The following SETBP1 variants were observed in gnomAD, a reference collection of about 807,000 sequenced individuals.
SETBP1 encodes SET binding protein 1.
SETBP1 carries 9 observed loss-of-function variants against 101.0 expected under a neutral mutation model. The ratio of observed to expected loss-of-function variants is 0.09; its 90% CI spans 0.05 to 0.16. The LOEUF is 0.16. SETBP1 is among the 10% of genes least tolerant of loss of function. SETBP1 has a pLI of 1.00. For missense variants in SETBP1, 1,858 were observed against 2,033.8 expected (o/e 0.91, Z 1.66); for synonymous variants, 818 against 788.5 (o/e 1.04, Z -0.63).
At chr18:44,816,065 A>G (rs2071968326) in intron 2 of SETBP1, among the ~76,000 whole-genome samples, 1 of 152,214 alleles carries the variant, frequency 6.6e-6, no homozygotes, top group Non-Finnish European at 1.5e-5. Context: ...AGACCCTGGG[A>G]ACCAGGGACA....
intron 5 of SETBP1, among the ~76,000 whole-genome samples, chr18:45,040,358 G>A (rs1353826402): frequency 6.6e-6 from 1 of 152,178 alleles, no homozygotes; most frequent in Non-Finnish European, 1.5e-5. Context: ...TCCAAACAAA[G>A]GGATCAAGTT....
chr18:44,977,951 C>T (rs982280184), intron 4 of SETBP1, among the ~76,000 whole-genome samples: 7 of 152,246 alleles, frequency 4.6e-5, no homozygotes, highest in African/African-American at 7.2e-5. Flanking sequence ...GAAAGTTCAG[C>T]GGCATGGTGC....
At chr18:44,990,101 T>C (rs990738160) in intron 4 of SETBP1, among the ~76,000 whole-genome samples, 4 of 151,784 alleles carry the variant, frequency 2.6e-5, no homozygotes, top group Non-Finnish European at 4.4e-5. Context: ...CAGAGCAATA[T>C]CATCTTTCAA....
At chr18:44,736,551 A>G (rs777298455) in intron 2 of SETBP1, among the ~76,000 whole-genome samples, 3 of 152,208 alleles carry the variant, frequency 2.0e-5, no homozygotes, top group Non-Finnish European at 4.4e-5. Flanking sequence ...CCACTGTGAT[A>G]TTTCTCTTTT....
intron 4 of SETBP1, among the ~76,000 whole-genome samples, chr18:45,016,801 C>T (rs2072954955): frequency 6.6e-6 from 1 of 150,888 alleles, no homozygotes; most frequent in Non-Finnish European, 1.5e-5. Context: ...CCCTACCTCC[C>T]CACCTCCCCA....
chr18:45,028,111 T>A (rs1218630377), intron 4 of SETBP1, among the ~76,000 whole-genome samples: 1 of 151,812 alleles, frequency 6.6e-6, no homozygotes, highest in Non-Finnish European at 1.5e-5. Context: ...GCTGCACCCA[T>A]TAACTCGTCA....
At chr18:44,780,648 A>G in intron 2 of SETBP1, among the ~76,000 whole-genome samples, 1 of 152,242 alleles carries the variant, frequency 6.6e-6, no homozygotes, top group East Asian at 1.9e-4. Context: ...AAACTGGCTG[A>G]TTGCCAAGCT....
intron 4 of SETBP1, among the ~76,000 whole-genome samples, chr18:44,980,227 A>AT (rs1192859296): frequency 6.6e-6 from 1 of 152,208 alleles, no homozygotes; most frequent in Admixed American, 6.5e-5. Flanking sequence ...CAGGACATGT[A>AT]TTTTATAAAT....
At chr18:44,967,536 G>A (rs1489621739) in intron 4 of SETBP1, among the ~76,000 whole-genome samples, 2 of 152,194 alleles carry the variant, frequency 1.3e-5, no homozygotes, top group African/African-American at 2.4e-5. Context: ...AGTGGGCACA[G>A]GTGAGTACTC....
chr18:44,955,411 C>A (rs2071460920), intron 4 of SETBP1, among the ~76,000 whole-genome samples: 1 of 152,200 alleles, frequency 6.6e-6, no homozygotes, highest in African/African-American at 2.4e-5. Flanking sequence ...GTTACTAATT[C>A]TCCGTGTGCC....
chr18:44,943,233 G>A (rs1188177145), intron 3 of SETBP1, among the ~76,000 whole-genome samples: 4 of 152,170 alleles, frequency 2.6e-5, no homozygotes, highest in African/African-American at 4.8e-5. Flanking sequence ...TGACAGAACC[G>A]TTTCACTCTC....
At chr18:44,848,901 A>G (rs1044427803) in intron 2 of SETBP1, among the ~76,000 whole-genome samples, 3 of 152,234 alleles carry the variant, frequency 2.0e-5, no homozygotes, top group African/African-American at 7.2e-5. Context: ...TATGGCCTCA[A>G]GTATTACTAA....
At chr18:45,013,259 C>A (rs923649170) in intron 4 of SETBP1, among the ~76,000 whole-genome samples, 1 of 152,184 alleles carries the variant, frequency 6.6e-6, no homozygotes, top group Non-Finnish European at 1.5e-5. Flanking sequence ...ACCTGCTCTA[C>A]CTTTGATAAC....
intron 2 of SETBP1, among the ~76,000 whole-genome samples, chr18:44,868,691 A>T (rs917428992): frequency 4.8e-5 from 6 of 125,690 alleles, no homozygotes; most frequent in Admixed American, 4.7e-4. Context: ...AGAGAGAGAG[A>T]GAGAGAGGAC....
At chr18:44,871,207 C>G (rs1329789195) in intron 3 of SETBP1, 2 of 152,186 alleles carry the variant, frequency 1.3e-5, no homozygotes, top group Non-Finnish European at 2.9e-5. Context: ...AAAGTTAATT[C>G]TCTAGTGAAA....
At chr18:44,983,512 C>T (rs2072160786) in intron 4 of SETBP1, among the ~76,000 whole-genome samples, 1 of 152,142 alleles carries the variant, frequency 6.6e-6, no homozygotes, top group Non-Finnish European at 1.5e-5. Context: ...AGATTTGCCC[C>T]AAGCCCAATT....
intron 2 of SETBP1, among the ~76,000 whole-genome samples, chr18:44,743,527 G>A (rs543215738): frequency 5.5e-4 from 84 of 152,274 alleles, no homozygotes; most frequent in African/African-American, 1.9e-3. Flanking sequence ...TATTGCCCAA[G>A]GATCTGGTTC....
chr18:44,839,360 T>C (rs2072567285), intron 2 of SETBP1, among the ~76,000 whole-genome samples: 1 of 152,146 alleles, frequency 6.6e-6, no homozygotes, highest in South Asian at 2.1e-4. Context: ...GGTGTGTGAA[T>C]GGGGAAGGAA....
intron 2 of SETBP1, among the ~76,000 whole-genome samples, chr18:44,840,095 A>C (rs1346296034): frequency 6.6e-6 from 1 of 152,150 alleles, no homozygotes; most frequent in African/African-American, 2.4e-5. Context: ...ATGGCTGTTC[A>C]TGATTTAGGG....
Sources: gnomAD v4.1 joint callset for allele counts (sites outside exome capture counted in the v4.1 genomes callset) on GRCh38, gnomAD v4.1.1 for gene constraint, MANE v1.5 for transcripts, NCBI Gene and HGNC (gene_info 2026-07-23, HGNC 2026-07-21) for gene names.